ATXN2: variants seen among roughly 807,000 people sequenced by gnomAD.
ATXN2 encodes ataxin 2, also known as ataxin-2.
In ATXN2, 37 loss-of-function variants were observed where a neutral mutation model predicts 138.6. That is an observed-to-expected ratio of 0.27 (90% confidence interval 0.21 to 0.35). The LOEUF is 0.35. Among genes scored for constraint, ATXN2 ranks in the 10% least tolerant of loss-of-function variants. The pLI is 1.00. For missense variants in ATXN2, 1,216 were observed against 1,480.3 expected (o/e 0.82, Z 2.93); for synonymous variants, 549 against 543.7 (o/e 1.01, Z -0.13).
At chr12:111,466,345 C>A (rs1004610462) in intron 20 of ATXN2, among the ~76,000 whole-genome samples, 7 of 148,812 alleles carry the variant, frequency 4.7e-5, no homozygotes, top group Admixed American at 1.3e-4. Context: ...AAACAAAATA[C>A]AAAAAATTAG....
intron 20 of ATXN2, among the ~76,000 whole-genome samples, chr12:111,464,999 G>C (rs566789430): frequency 8.6e-4 from 131 of 152,172 alleles, no homozygotes; most frequent in African/African-American, 3.0e-3. Context: ...GCATTCTACT[G>C]AACAACCTTG....
intron 11 of ATXN2, 189 bp downstream of exon 11, chr12:111,513,168 C>T: frequency 1.7e-6 from 1 of 594,946 alleles, no homozygotes; most frequent in Non-Finnish European, 2.8e-6. Context: ...GAGTGTCTGA[C>T]TTGCTTTAAT....
intron 1 of ATXN2, among the ~76,000 whole-genome samples, chr12:111,577,146 G>C (rs1883712200): frequency 6.6e-6 from 1 of 151,934 alleles, no homozygotes; most frequent in Non-Finnish European, 1.5e-5. Flanking sequence ...ATACAAAGTT[G>C]TACAAAACAC....
intron 21 of ATXN2, among the ~76,000 whole-genome samples, chr12:111,464,324 GGTGTGTGTGTTTGTGTGTGT>G (rs1157693372): frequency 2.9e-4 from 37 of 126,220 alleles, no homozygotes; most frequent in African/African-American, 1.1e-3. Context: ...TTGTGGCTTG[GGTGTGTGTGTTTGTGTGTGT>G]GTGTGTGTGT....
chr12:111,590,379 TGTATTCC>T (rs1437131191), intron 1 of ATXN2, among the ~76,000 whole-genome samples: 1 of 152,052 alleles, frequency 6.6e-6, no homozygotes, highest in Non-Finnish European at 1.5e-5. Flanking sequence ...TGTCCGTGAC[TGTATTCC>T]ATAAAACAAG....
At chr12:111,539,689 C>CAGTGAGCCGAG (rs1555238085) in intron 5 of ATXN2, among the ~76,000 whole-genome samples, 1 of 149,424 alleles carries the variant, frequency 6.7e-6, no homozygotes, top group African/African-American at 2.4e-5. Context: ...GCGGAGCTTG[C>CAGTGAGCCGAG]AGTGAGCCGA....
In ATXN2 at chr12:111,598,949, G is replaced by GGCTGCGGCGGCTGCT. The variant is rs765255405; in HGVS notation, c.85_86insAGCAGCCGCCGCAGC (p.Gln28_Pro29insGlnGlnProProGln). Reference sequence around the variant, plus strand: ...GCGGACATTGGCAGCCGCGGGCGGCGGCTGCTGCTGCTGCTGCTGCTGCTG... The same window carrying GGCTGCGGCGGCTGCT: ...GCGGACATTGGCAGCCGCGGGCGGCGGCTGCGGCGGCTGCTGCTGCTGCTGCTGCTGCTGCTGCTG... On this transcript the variant is annotated inframe_insertion, in exon 1 of 25. Transcript: ENST00000673436. The surrounding 1 kb of genome is among the most constrained non-coding windows in gnomAD (Gnocchi z 4.5). 3.5e-6 allele frequency: 5 copies of GGCTGCGGCGGCTGCT among 1,411,774 alleles called. No individual in the cohort carries two copies. The highest frequency in any genetic ancestry group is 5.8e-5 in the East Asian group (2 of 34,298). The allele number at this position is 1,411,774 out of a possible 1,614,324, so 87.5% of individuals were successfully genotyped here.
intron 18 of ATXN2, among the ~76,000 whole-genome samples, chr12:111,480,020 T>A (rs898002417): frequency 3.6e-4 from 38 of 104,636 alleles, no homozygotes; most frequent in African/African-American, 5.0e-4. Flanking sequence ...AAAAAAAACC[T>A]AATCAAAAAA....
At position 111,555,872 on chromosome 12, in the gene ATXN2, A is replaced by C; in HGVS notation, c.288+11T>G. 1 of 1,594,724 alleles carries C rather than the reference A, an allele frequency of 6.3e-7. No individual in the cohort carries two copies. The highest frequency in any genetic ancestry group is 8.5e-7 in the Non-Finnish European group (1 of 1,171,458). ...TAATTTTCCCCAATAAGTAACATTA[A>C]AGTTACTCACCGTAGACTGAGGCAG... is the stretch of plus-strand genomic sequence containing the variant. On this transcript the variant is annotated intron_variant, in intron 2 of 24. Transcript: ENST00000673436.
intron 14 of ATXN2, among the ~76,000 whole-genome samples, chr12:111,504,182 A>G (rs979755200): frequency 1.3e-5 from 2 of 152,248 alleles, no homozygotes; most frequent in Non-Finnish European, 2.9e-5. Context: ...GTACTGCCAT[A>G]AGGATAAGAC....
intron 5 of ATXN2, among the ~76,000 whole-genome samples, chr12:111,537,040 C>T (rs1255357583): frequency 6.6e-6 from 1 of 151,982 alleles, no homozygotes; most frequent in Non-Finnish European, 1.5e-5. Context: ...GCCCCAGCCT[C>T]CCAAAGTGCT....
At chr12:111,507,266 C>A (rs1879194413) in intron 14 of ATXN2, among the ~76,000 whole-genome samples, 1 of 151,498 alleles carries the variant, frequency 6.6e-6, no homozygotes, top group Non-Finnish European at 1.5e-5. Flanking sequence ...GGGAGCGCCT[C>A]TGCCCCGCTG....
At chr12:111,563,278 C>T (rs1882798184) in intron 1 of ATXN2, among the ~76,000 whole-genome samples, 1 of 151,692 alleles carries the variant, frequency 6.6e-6, no homozygotes, top group Non-Finnish European at 1.5e-5. Context: ...TACGTATATT[C>T]CACATATATA....
At chr12:111,553,433 T>C (rs1448816550) in intron 3 of ATXN2, among the ~76,000 whole-genome samples, 2 of 151,762 alleles carry the variant, frequency 1.3e-5, no homozygotes, top group African/African-American at 4.8e-5. Flanking sequence ...CCAAATACTT[T>C]AAACTATCCC....
Position 111,509,913 on chromosome 12 carries a change from G to A in ATXN2, c.1842C>T (p.Ser614=). Residue 614 remains serine (S), a synonymous_variant, in exon 13 of 25, where the codon AGC becomes AGT. Transcript: ENST00000673436. ...AACCTTTGTTTTCAGCTTTTGAGAAGCTAGGTGATGTTTCATTGGGTTTAA... is the reference window on the plus strand; with the variant it reads ...AACCTTTGTTTTCAGCTTTTGAGAAACTAGGTGATGTTTCATTGGGTTTAA... ...ENIKPNETSP[S]FSKAENKGIS... is the part of the protein sequence containing the mutation. The A allele has an allele frequency of 6.2e-7, 1 of 1,612,032 alleles. No individual in the cohort carries two copies. Among genetic ancestry groups the A allele is most frequent in the Non-Finnish European group, 8.5e-7 (1 of 1,178,598 alleles).
chr12:111,457,246 C>T lies in ATXN2; in HGVS notation c.3010G>A (p.Gly1004Ser). 6.2e-7 allele frequency: 1 copy of T among 1,614,006 alleles called. No individual in the cohort carries two copies. The highest frequency in any genetic ancestry group is 8.5e-7 in the Non-Finnish European group (1 of 1,179,960). Residue 1004 changes from glycine to serine, a missense_variant, in exon 22 of 25, where the codon GGT (glycine) becomes AGT (serine). This residue lies in a region of ATXN2 where 490 missense variants were observed against 653.5 expected (regional missense o/e 0.75). Transcript: ENST00000673436. ...GGACTGGGTGCAGGATGACTTCCAC[C>T]ATGTTGGCTTTGCTGCTGTCCAGTG... Reference protein sequence around the residue: ...TPTGQQQSQHGGSHPAPSPVQ... With the variant: ...TPTGQQQSQHSGSHPAPSPVQ...
chr12:111,484,142 A>G (rs1270960430), intron 18 of ATXN2, among the ~76,000 whole-genome samples: 1 of 152,178 alleles, frequency 6.6e-6, no homozygotes. Context: ...CTCTGCTTCA[A>G]AAGAAATTCT....
chr12:111,488,700 G>T lies in ATXN2; in HGVS notation c.2016C>A (p.Ile672=). The T allele has an allele frequency of 6.2e-7, 1 of 1,612,148 alleles. No homozygotes were observed. Among genetic ancestry groups the T allele is most frequent in the South Asian group, 1.1e-5 (1 of 90,850 alleles). ...NREGEKSRDL[I]KDKIEPSAKD... is the part of the protein sequence containing the mutation. ...TAGCACTTGGTTCAATTTTGTCTTT[G>T]ATCAAATCTCTTGATTTTTCTCCCT... Residue 672 remains isoleucine (I), a synonymous_variant, in exon 15 of 25, where the codon ATC becomes ATA. Transcript: ENST00000673436.
chr12:111,582,854 G>A (rs1343012986), intron 1 of ATXN2, among the ~76,000 whole-genome samples: 3 of 151,944 alleles, frequency 2.0e-5, no homozygotes, highest in Non-Finnish European at 4.4e-5. Context: ...ATTTTTAGTA[G>A]AGACAGGGTT....
Sources: allele counts gnomAD v4.1 joint callset (sites outside exome capture counted in the v4.1 genomes callset), GRCh38; gene constraint gnomAD v4.1.1; regional missense constraint gnomAD v4.1.1; non-coding constraint Gnocchi (gnomAD v3.1); transcripts MANE v1.5; gene names NCBI Gene and HGNC (gene_info 2026-07-23, HGNC 2026-07-21).